CELF2: variants seen among roughly 807,000 people sequenced by gnomAD.
CELF2 encodes CUGBP Elav-like family member 2.
A neutral mutation model predicts 62.6 loss-of-function variants in CELF2; 8 were observed. The ratio of observed to expected loss-of-function variants is 0.13; its 90% CI spans 0.07 to 0.23. The LOEUF is 0.23. Ranked by LOEUF, CELF2 falls within the 10% of genes least tolerant of loss-of-function variation. CELF2 has a pLI of 1.00. For missense variants in CELF2, 333 were observed against 671.0 expected, an observed-to-expected ratio of 0.50 and a Z score of 5.56; for synonymous variants, 258 against 250.0, an observed-to-expected ratio of 1.03 and a Z score of -0.30.
rs2132717516 is a variant in CELF2 at position 11,328,198 on chromosome 10, T to C, written c.1439-728T>C. Among the ~76,000 whole-genome samples the C allele has an allele frequency of 6.6e-6, 1 of 152,350 alleles. No individual in the cohort carries two copies. The highest frequency in any genetic ancestry group is 1.9e-4 in the East Asian group (1 of 5,186). On this transcript the variant is annotated intron_variant, in intron 12 of 12. Transcript: ENST00000633077. The surrounding 1 kb of genome is among the most constrained non-coding windows in gnomAD (Gnocchi z 6.4). ...TATGTATCCCCCAGACTTTGGGAGA[T>C]GCCAGGGAGCAATTTCCTTTCTGCT...
intron 2 of CELF2, among the ~76,000 whole-genome samples, chr10:11,179,948 CA>C (rs2072730500): frequency 6.6e-6 from 1 of 152,030 alleles, no homozygotes; most frequent in South Asian, 2.1e-4. Context: ...AGTCCTAAAC[CA>C]AAAAATGTTC....
the CELF2 span, among the ~76,000 whole-genome samples, chr10:10,592,468 C>T: frequency 4.8e-4 from 73 of 152,224 alleles, 1 homozygote; most frequent in Admixed American, 1.6e-3. Flanking sequence ...CATTTAGCAC[C>T]TTCCATTCCT....
chr10:10,639,187 TG>T, the CELF2 span, among the ~76,000 whole-genome samples: 31 of 152,350 alleles, frequency 2.0e-4, no homozygotes, highest in South Asian at 4.1e-3. Context: ...GGCACTGACA[TG>T]GTGAAATTTT....
At chr10:11,135,223 C>T (rs188322589) in intron 1 of CELF2, among the ~76,000 whole-genome samples, 116 of 152,316 alleles carry the variant, frequency 7.6e-4, no homozygotes, top group Middle Eastern at 3.4e-3. Context: ...AAAATACTGC[C>T]GTGGGGTTCT....
At chr10:10,641,480 G>A in the CELF2 span, among the ~76,000 whole-genome samples, 1 of 151,716 alleles carries the variant, frequency 6.6e-6, no homozygotes, top group Non-Finnish European at 1.5e-5. Flanking sequence ...TGTTCTTCTT[G>A]TCCAGGCTGG....
intron 1 of CELF2, among the ~76,000 whole-genome samples, chr10:11,023,092 G>A (rs1324369571): frequency 4.6e-5 from 7 of 152,160 alleles, no homozygotes; most frequent in African/African-American, 1.4e-4. Context: ...TTCTTCACGG[G>A]AGGGTCACAT....
chr10:11,038,525 G>C (rs1157458919), intron 1 of CELF2, among the ~76,000 whole-genome samples: 1 of 152,124 alleles, frequency 6.6e-6, no homozygotes, highest in East Asian at 1.9e-4. Flanking sequence ...TTCTACCAAA[G>C]TACATCAAAA....
At chr10:10,805,636 G>T (rs567310297) in intron 1 of CELF2, among the ~76,000 whole-genome samples, 3 of 152,124 alleles carry the variant, frequency 2.0e-5, no homozygotes, top group African/African-American at 2.4e-5. Context: ...TTTTAATGAG[G>T]GGGGGAGACG....
intron 6 of CELF2, 150 bp downstream of exon 6, chr10:11,266,827 T>TTC (rs34379813): frequency 1.0e-4 from 51 of 493,462 alleles, no homozygotes; most frequent in South Asian, 9.4e-4. Context: ...CATTCTCTCC[T>TTC]TCTCTCTCTC....
At chr10:11,056,318 G>A (rs541912553) in intron 1 of CELF2, among the ~76,000 whole-genome samples, 1 of 152,318 alleles carries the variant, frequency 6.6e-6, no homozygotes, top group South Asian at 2.1e-4. Context: ...TGAGTGGTTC[G>A]ATGTTTTTAT....
In CELF2 at chr10:11,201,793, C is replaced by T. The variant is rs919536293; in HGVS notation, c.272-15632C>T. 2.6e-5 allele frequency among the ~76,000 whole-genome samples: 4 copies of T among 152,190 alleles called. No homozygotes were observed. The East Asian group carries it at 7.7e-4, about 29-fold the overall frequency. On this transcript the variant is annotated intron_variant, in intron 2 of 12. Coordinates refer to ENST00000633077, the MANE Select transcript of CELF2 (RefSeq NM_001326342.2). ...TGAGCTGAGGGGCATGGCTTGGCTC[C>T]AAGAATCCATGTTTTTGCCAATGTT...
the CELF2 span, among the ~76,000 whole-genome samples, chr10:10,478,062 C>T: frequency 1.3e-5 from 2 of 152,080 alleles, no homozygotes; most frequent in Non-Finnish European, 2.9e-5. Context: ...GGCCAGACAC[C>T]GGATTCTATA....
the CELF2 span, among the ~76,000 whole-genome samples, chr10:10,648,358 T>C: frequency 6.6e-6 from 1 of 152,216 alleles, no homozygotes; most frequent in African/African-American, 2.4e-5. Flanking sequence ...TACTAGGCTA[T>C]AAAGTCCTTG....
At chr10:10,618,701 T>G in the CELF2 span, among the ~76,000 whole-genome samples, 1 of 152,082 alleles carries the variant, frequency 6.6e-6, no homozygotes, top group South Asian at 2.1e-4. Context: ...CTGGAGTAAC[T>G]ACCTGAAGGT....
the CELF2 span, among the ~76,000 whole-genome samples, chr10:10,737,568 T>C: frequency 6.6e-6 from 1 of 152,126 alleles, no homozygotes; most frequent in Admixed American, 6.6e-5. Context: ...TGCGAAGTCA[T>C]TTGGAAAGCC....
the CELF2 span, among the ~76,000 whole-genome samples, chr10:10,518,137 G>C: frequency 6.6e-6 from 1 of 152,192 alleles, no homozygotes; most frequent in African/African-American, 2.4e-5. Context: ...ACCCAGCCCA[G>C]CTTCTACCAT....
At chr10:10,958,721 T>C (rs2049160989) in intron 2 of CELF2, among the ~76,000 whole-genome samples, 2 of 152,066 alleles carry the variant, frequency 1.3e-5, no homozygotes, top group South Asian at 4.2e-4. Flanking sequence ...TGAGTACCTG[T>C]AAGTCCCAGC....
At chr10:10,943,572 A>G (rs1375136377) in intron 2 of CELF2, among the ~76,000 whole-genome samples, 6 of 152,174 alleles carry the variant, frequency 3.9e-5, no homozygotes, top group Admixed American at 6.5e-5. Flanking sequence ...TAGCTATATC[A>G]GCTACCAAAC....
At chr10:11,000,702 C>A (rs1287294442), upstream of CELF2, among the ~76,000 whole-genome samples, 1 of 152,170 alleles carries the variant, frequency 6.6e-6, no homozygotes, top group East Asian at 1.9e-4. Flanking sequence ...TACTGTCAAA[C>A]CCTTTCTTTA....
Sources: allele counts gnomAD v4.1 joint callset (sites outside exome capture counted in the v4.1 genomes callset), GRCh38; gene constraint gnomAD v4.1.1; non-coding constraint Gnocchi (gnomAD v3.1); transcripts MANE v1.5; gene names NCBI Gene and HGNC (gene_info 2026-07-23, HGNC 2026-07-21).